Variants in WDR17 observed in about 807,000 individuals in gnomAD.
WDR17 encodes the protein WD repeat-containing protein 17.
Under a neutral mutation model 161.7 loss-of-function variants are expected in WDR17, and 143 were observed. That is an observed-to-expected ratio of 0.88 (90% CI 0.77 to 1.02). WDR17 has a LOEUF of 1.02. WDR17 is among the 50% of genes least tolerant of loss of function. The pLI is 0.00. For synonymous variants in WDR17, 517 were observed against 515.6 expected, an observed-to-expected ratio of 1.00 and a Z score of -0.04; for missense variants, 1,469 against 1,520.9, an observed-to-expected ratio of 0.97 and a Z score of 0.57.
chr4:176,177,105 A>G lies in WDR17; in HGVS notation c.3497A>G (p.Tyr1166Cys). Reference protein sequence around the residue: ...REVSVPLKIEYLSEELDAWRA... With the variant: ...REVSVPLKIECLSEELDAWRA... Reference sequence around the variant, plus strand: ...GTGTCAGTACCTTTAAAAATTGAATATCTTTCTGAGGAATTGGATGCATGG... The same window carrying G: ...GTGTCAGTACCTTTAAAAATTGAATGTCTTTCTGAGGAATTGGATGCATGG... Residue 1166 changes from tyrosine to cysteine, a missense_variant, in exon 27 of 29, where the codon TAT becomes TGT. By Grantham distance (194) the Tyr-to-Cys change is radical. Transcript: ENST00000508596. The G allele has an allele frequency of 6.2e-7, 1 of 1,613,842 alleles. No homozygotes were observed. Among genetic ancestry groups the G allele is most frequent in the East Asian group, 2.2e-5 (1 of 44,836 alleles).
chr4:176,143,036 C>T (rs938696294), intron 11 of WDR17, among the ~76,000 whole-genome samples: 3 of 152,162 alleles, frequency 2.0e-5, no homozygotes, highest in African/African-American at 7.2e-5. Flanking sequence ...TGCGCCACCA[C>T]GCCCAGCTAA....
intron 1 of WDR17, among the ~76,000 whole-genome samples, chr4:176,109,146 C>A (rs993525017): frequency 1.3e-5 from 2 of 151,990 alleles, no homozygotes; most frequent in Admixed American, 1.3e-4. Flanking sequence ...TGTTTCTTTT[C>A]CAAATATAAA....
At chr4:176,083,379 T>C (rs1735008347) in intron 1 of WDR17, among the ~76,000 whole-genome samples, 1 of 152,152 alleles carries the variant, frequency 6.6e-6, no homozygotes. Flanking sequence ...TAGAACATTA[T>C]CAGCACTCAC....
At chr4:176,112,335 C>G (rs779182589) in intron 2 of WDR17, among the ~76,000 whole-genome samples, 4 of 152,166 alleles carry the variant, frequency 2.6e-5, no homozygotes, top group African/African-American at 9.7e-5. Flanking sequence ...TCTTAATAGT[C>G]TCTACTTTTA....
chr4:176,148,220 T>C lies in WDR17; in HGVS notation c.1782T>C (p.Asn594=), dbSNP rs1746504154. The C allele has an allele frequency of 6.2e-7, 1 of 1,613,956 alleles. No homozygotes were observed. Among genetic ancestry groups the C allele is most frequent in the South Asian group, 1.1e-5 (1 of 91,090 alleles). The part of the protein sequence containing the change: ...HTAPVRGLMW[N]TEIPYLLISG... ...CACCTGTGAGAGGATTAATGTGGAATACTGAGATTCCATATCTGCTCATAT... is the reference window on the plus strand; with the variant it reads ...CACCTGTGAGAGGATTAATGTGGAACACTGAGATTCCATATCTGCTCATAT... The change falls in exon 13 of 29, where the codon AAT becomes AAC. Residue 594 remains asparagine, a synonymous_variant. Coordinates refer to ENST00000508596, the MANE Select transcript of WDR17 (RefSeq NM_181265.4).
chr4:176,072,242 G>GATTA (rs1175420484), intron 1 of WDR17, among the ~76,000 whole-genome samples: 1 of 152,198 alleles, frequency 6.6e-6, no homozygotes, highest in Non-Finnish European at 1.5e-5. Flanking sequence ...ACATTTCAGA[G>GATTA]ATTAATCTCA....
intron 3 of WDR17, among the ~76,000 whole-genome samples, chr4:176,117,106 C>T (rs1246135226): frequency 1.3e-5 from 2 of 151,990 alleles, no homozygotes; most frequent in South Asian, 2.1e-4. Context: ...GTCAGCTATT[C>T]GGTGAGCTTC....
At chr4:176,138,297 G>T (rs1009301770) in intron 9 of WDR17, among the ~76,000 whole-genome samples, 1 of 151,442 alleles carries the variant, frequency 6.6e-6, no homozygotes, top group Non-Finnish European at 1.5e-5. Context: ...TAATTTCTTT[G>T]AAAATTGCCT....
At chr4:176,078,233 T>C (rs868269690) in intron 1 of WDR17, among the ~76,000 whole-genome samples, 16 of 152,228 alleles carry the variant, frequency 1.1e-4, no homozygotes, top group African/African-American at 3.6e-4. Context: ...AATGTTTGAA[T>C]ATTTATAATA....
At chr4:176,091,565 T>G (rs1050947197) in intron 1 of WDR17, among the ~76,000 whole-genome samples, 4 of 152,016 alleles carry the variant, frequency 2.6e-5, no homozygotes, top group African/African-American at 9.7e-5. Context: ...ATAAACAAAC[T>G]AATGATGCAT....
intron 11 of WDR17, among the ~76,000 whole-genome samples, chr4:176,145,532 G>A (rs1288231637): frequency 6.6e-6 from 1 of 152,132 alleles, no homozygotes; most frequent in African/African-American, 2.4e-5. Flanking sequence ...ACTGTTGTTT[G>A]TACCCATGCC....
At chr4:176,087,536 A>T (rs1032851810) in intron 1 of WDR17, among the ~76,000 whole-genome samples, 1 of 152,144 alleles carries the variant, frequency 6.6e-6, no homozygotes, top group Admixed American at 6.6e-5. Context: ...TAGTTTTAAA[A>T]TCAGTTTCAG....
chr4:176,155,484 C>CTTGGAA (rs1747912297), intron 17 of WDR17, among the ~76,000 whole-genome samples: 1 of 149,058 alleles, frequency 6.7e-6, no homozygotes, highest in Non-Finnish European at 1.5e-5. Flanking sequence ...CCGAGGGGTA[C>CTTGGAA]TTGGAATTTA....
intron 11 of WDR17, among the ~76,000 whole-genome samples, chr4:176,144,545 C>T (rs892907640): frequency 2.0e-5 from 3 of 152,086 alleles, no homozygotes; most frequent in Non-Finnish European, 2.9e-5. Flanking sequence ...GAGTTAATAA[C>T]CCATTTGGCC....
intron 4 of WDR17, 70 bp downstream of exon 4, chr4:176,120,167 T>C (rs1449099931): frequency 8.1e-7 from 1 of 1,227,872 alleles, no homozygotes. Flanking sequence ...ACTTGCTTGG[T>C]CTTTCTAGTG....
In WDR17 at chr4:176,180,627, T is replaced by G. The variant is rs766024476; in HGVS notation, c.*1048T>G. ...GGGAAGCTGAGGCAGGAGAATCCCT[T>G]GAACCTGGGAGGCAGAGGTTCCAGT... is the stretch of plus-strand genomic sequence containing the variant. On this transcript the variant is annotated 3_prime_UTR_variant, in exon 29 of 29. Coordinates refer to ENST00000508596, the MANE Select transcript of WDR17 (RefSeq NM_181265.4). 3.3e-5 allele frequency: 5 copies of G among 152,146 alleles called. No individual in the cohort carries two copies. The highest frequency in any genetic ancestry group is 7.3e-5 in the Non-Finnish European group (5 of 68,064). The allele number at this position is 152,146 out of a possible 1,614,324, so 9.4% of individuals were successfully genotyped here.
At chr4:176,076,000 C>A (rs929073818) in intron 1 of WDR17, among the ~76,000 whole-genome samples, 3 of 151,588 alleles carry the variant, frequency 2.0e-5, no homozygotes, top group Non-Finnish European at 4.4e-5. Flanking sequence ...AGTGAGATCA[C>A]AATAGTTCTT....
intron 24 of WDR17, among the ~76,000 whole-genome samples, 173 bp from the exon 25 acceptor site, chr4:176,173,094 G>A (rs1750973790): frequency 6.6e-6 from 1 of 152,142 alleles, no homozygotes; most frequent in Admixed American, 6.5e-5. Flanking sequence ...CATCTCTTCT[G>A]ATTTTATGGT....
rs116130102 is a variant in WDR17 at position 176,154,891 on chromosome 4, C to T, written c.2461-1188C>T. Reference sequence around the variant, plus strand: ...TCTCAGTTCCACTCTAGACTGGAATCCAATGAAATCTGTATTTTCATATAA... The same window carrying T: ...TCTCAGTTCCACTCTAGACTGGAATTCAATGAAATCTGTATTTTCATATAA... On this transcript the variant is annotated intron_variant, in intron 17 of 28. Coordinates refer to ENST00000508596, the MANE Select transcript of WDR17 (RefSeq NM_181265.4). 9.3e-3 allele frequency among the ~76,000 whole-genome samples: 1,408 copies of T among 152,162 alleles called. 8 individuals are homozygous for T. Among genetic ancestry groups the T allele is most frequent in the Non-Finnish European group, 0.016 (1,096 of 67,976 alleles).
Sources: gnomAD v4.1 joint callset for allele counts (sites outside exome capture counted in the v4.1 genomes callset) on GRCh38, gnomAD v4.1.1 for gene constraint, MANE v1.5 for transcripts, NCBI Gene and HGNC (gene_info 2026-07-23, HGNC 2026-07-21) for gene names.